The following PTPRD variants were observed in gnomAD, a reference collection of about 807,000 sequenced individuals.
The protein encoded by PTPRD is protein tyrosine phosphatase receptor type D, also known as receptor-type tyrosine-protein phosphatase delta.
PTPRD carries 34 observed loss-of-function variants against 214.5 expected under a neutral mutation model. The ratio of observed to expected loss-of-function variants is 0.16; its 90% CI spans 0.12 to 0.21. The LOEUF is 0.21. Among genes scored for constraint, PTPRD ranks in the 10% least tolerant of loss-of-function variants. The probability of loss-of-function intolerance (pLI) is 1.00; values close to 1 mark genes in which losing one functional copy is unlikely to be tolerated. For missense variants in PTPRD, 2,545 were observed against 2,398.7 expected, an observed-to-expected ratio of 1.06 and a Z score of -1.27; for synonymous variants, 1,128 against 845.7, an observed-to-expected ratio of 1.33 and a Z score of -5.79.
At chr9:9,540,483 A>G (rs16929716) in intron 8 of PTPRD, among the ~76,000 whole-genome samples, 35,155 of 151,572 alleles carry the variant, frequency 0.23, 4,396 homozygotes, top group Non-Finnish European at 0.26. Context: ...CACTGAGTGA[A>G]ATAGGAGTAC....
chr9:9,395,840 C>T (rs910146251), intron 9 of PTPRD, among the ~76,000 whole-genome samples: 27 of 152,184 alleles, frequency 1.8e-4, no homozygotes, highest in Middle Eastern at 3.4e-3. Context: ...ATGACGATAA[C>T]GTCTACTTGT....
intron 29 of PTPRD, among the ~76,000 whole-genome samples, chr9:8,484,993 G>C (rs1477350328): frequency 6.6e-6 from 1 of 152,194 alleles, no homozygotes; most frequent in African/African-American, 2.4e-5. Context: ...GTTCAAAGTA[G>C]TAGGTAACCT....
chr9:8,856,446 A>G (rs1161074791), intron 11 of PTPRD, among the ~76,000 whole-genome samples: 1 of 152,198 alleles, frequency 6.6e-6, no homozygotes, highest in Non-Finnish European at 1.5e-5. Flanking sequence ...CAGCAAACCT[A>G]TTTCAAGTCA....
rs115436381 is a variant in PTPRD at position 8,470,540 on chromosome 9, G to T, written c.3504+455C>A. Among the ~76,000 whole-genome samples the T allele has an allele frequency of 7.3e-3, 1,118 of 152,228 alleles. 11 individuals are homozygous for T. Among genetic ancestry groups the T allele is most frequent in the African/African-American group, 0.026 (1,066 of 41,552 alleles). On this transcript the variant is annotated intron_variant, in intron 31 of 45. Coordinates refer to ENST00000381196, the MANE Select transcript of PTPRD (RefSeq NM_002839.4). ...CAAGGCAAACATCTGATAATCAACA[G>T]AATTCTGTGAGAAACTGGTTAAGAC...
At chr9:9,983,393 C>G (rs2095608360) in intron 4 of PTPRD, among the ~76,000 whole-genome samples, 1 of 152,186 alleles carries the variant, frequency 6.6e-6, no homozygotes, top group African/African-American at 2.4e-5. Context: ...AGTAAAATGT[C>G]ATTCCAAAAG....
intron 8 of PTPRD, among the ~76,000 whole-genome samples, chr9:9,548,690 T>G (rs2079447892): frequency 6.6e-6 from 1 of 152,086 alleles, no homozygotes; most frequent in African/African-American, 2.4e-5. Flanking sequence ...CGATGTATTA[T>G]AAGCACTGAT....
chr9:9,575,305 C>A (rs1299782017), intron 7 of PTPRD, among the ~76,000 whole-genome samples: 1 of 152,000 alleles, frequency 6.6e-6, no homozygotes, highest in Non-Finnish European at 1.5e-5. Context: ...AGTACTCCAT[C>A]GTTCACTGTA....
intron 3 of PTPRD, among the ~76,000 whole-genome samples, chr9:10,044,609 T>G (rs987481266): frequency 5.3e-5 from 8 of 151,830 alleles, no homozygotes. Flanking sequence ...TTATCTCATT[T>G]AATTGTCGCT....
intron 14 of PTPRD, among the ~76,000 whole-genome samples, chr9:8,553,587 A>G (rs1244044468): frequency 6.6e-6 from 1 of 152,214 alleles, no homozygotes; most frequent in Non-Finnish European, 1.5e-5. Context: ...ATAGAAAAGA[A>G]ATGAGAGAGG....
rs1295819533 is a variant in PTPRD, at chr9:8,733,751, G to A, written c.64+29C>T. 1.9e-6 allele frequency: 3 copies of A among 1,546,484 alleles called. No homozygotes were observed. The Admixed American group carries it at 5.9e-5, about 30-fold the overall frequency. ...AACAAAACCACTCATTATGGTCACA[G>A]CCCCCTAGAGAAGGGGAGAATGGCT... is the stretch of plus-strand genomic sequence containing the variant. On this transcript the variant is annotated intron_variant, in intron 12 of 45. Transcript: ENST00000381196.
At chr9:8,741,821 T>A (rs897690558) in intron 11 of PTPRD, among the ~76,000 whole-genome samples, 1 of 151,972 alleles carries the variant, frequency 6.6e-6, no homozygotes, top group Admixed American at 6.6e-5. Context: ...AAACTCCTGA[T>A]GTCGTGAGTG....
chr9:9,586,114 A>G lies in PTPRD; in HGVS notation c.-286-11333T>C, dbSNP rs557711450. 2.0e-5 allele frequency among the ~76,000 whole-genome samples: 3 copies of G among 152,056 alleles called. No individual in the cohort carries two copies. The East Asian group carries it at 5.8e-4, about 30-fold the overall frequency. ...TGGTTTCCTGGGCTAGTTGCGGTGG[A>G]GGTGGTAGGTCAGAGTTTTGTCACA... On this transcript the variant is annotated intron_variant, in intron 7 of 45. Transcript: ENST00000381196.
rs184591917 is a variant in PTPRD, at chr9:10,036,791, C to T, written c.-544-3001G>A. On this transcript the variant is annotated intron_variant, in intron 3 of 45. Transcript: ENST00000381196. Reference sequence around the variant, plus strand: ...TAGAGACAGGGTTTCATCATGTTGGCCAGGATGGTCTCGATCTCTTGACCT... The same window carrying T: ...TAGAGACAGGGTTTCATCATGTTGGTCAGGATGGTCTCGATCTCTTGACCT... 2.5e-3 allele frequency among the ~76,000 whole-genome samples: 385 copies of T among 152,120 alleles called. 1 individual carries two copies. The highest frequency in any genetic ancestry group is 3.7e-3 in the Non-Finnish European group (253 of 68,000).
intron 3 of PTPRD, among the ~76,000 whole-genome samples, chr9:10,331,839 A>G (rs183945693): frequency 2.6e-4 from 40 of 151,970 alleles, no homozygotes; most frequent in Admixed American, 2.2e-3. Context: ...TTCAGTTGGC[A>G]TTTTTGTATA....
chr9:8,474,621 T>TAG (rs1395341543), intron 30 of PTPRD, among the ~76,000 whole-genome samples: 10 of 152,332 alleles, frequency 6.6e-5, no homozygotes, highest in African/African-American at 2.2e-4. Context: ...TCCTAATAAC[T>TAG]GCTCCAATTG....
chr9:8,737,336 CTTGT>C (rs1441977719), intron 11 of PTPRD, among the ~76,000 whole-genome samples: 3 of 152,166 alleles, frequency 2.0e-5, no homozygotes, highest in African/African-American at 7.2e-5. Flanking sequence ...CATTCCTTAT[CTTGT>C]TTATTACACA....
chr9:9,401,511 T>G (rs2070474985), intron 8 of PTPRD, among the ~76,000 whole-genome samples: 1 of 152,076 alleles, frequency 6.6e-6, no homozygotes, highest in African/African-American at 2.4e-5. Context: ...TTGGTATGAC[T>G]GACCTTACTA....
At chr9:10,016,085 A>G (rs1467826531) in intron 4 of PTPRD, among the ~76,000 whole-genome samples, 1 of 152,160 alleles carries the variant, frequency 6.6e-6, no homozygotes, top group Non-Finnish European at 1.5e-5. Flanking sequence ...TATACTGGCT[A>G]TCAATCTCAA....
At chr9:8,369,424 G>T (rs917116263) in intron 39 of PTPRD, among the ~76,000 whole-genome samples, 1 of 151,728 alleles carries the variant, frequency 6.6e-6, no homozygotes, top group South Asian at 2.1e-4. Flanking sequence ...ATGAAGATTG[G>T]AACTTAGGAG....
Sources: gnomAD v4.1 joint callset for allele counts (sites outside exome capture counted in the v4.1 genomes callset) on GRCh38, gnomAD v4.1.1 for gene constraint, MANE v1.5 for transcripts, NCBI Gene and HGNC (gene_info 2026-07-23, HGNC 2026-07-21) for gene names.